JCAD: variants seen among roughly 807,000 people sequenced by gnomAD.
The protein encoded by JCAD is junctional cadherin 5-associated protein.
In JCAD, 40 loss-of-function variants were observed where a neutral mutation model predicts 98.0. That is an observed-to-expected ratio of 0.41 (90% CI 0.32 to 0.53). The LOEUF is 0.53. JCAD is among the 20% of genes least tolerant of loss of function. JCAD has a pLI of 0.31. For synonymous variants in JCAD, 691 were observed against 682.3 expected (o/e 1.01, Z -0.20); for missense variants, 1,705 against 1,738.1 (o/e 0.98, Z 0.34).
chr10:30,098,579 C>A (rs957879276), intron 1 of JCAD, among the ~76,000 whole-genome samples: 7 of 152,178 alleles, frequency 4.6e-5, no homozygotes, highest in African/African-American at 1.7e-4. Context: ...TTTGTGTCCT[C>A]AGTTCCTGGA....
chr10:30,032,274 C>T (rs1455096757), intron 2 of JCAD, among the ~76,000 whole-genome samples: 1 of 152,154 alleles, frequency 6.6e-6, no homozygotes, highest in African/African-American at 2.4e-5. Flanking sequence ...TACCAAAGCT[C>T]AGGGCCCATC....
At chr10:30,044,478 G>C (rs768384139) in intron 2 of JCAD, among the ~76,000 whole-genome samples, 16 of 152,024 alleles carry the variant, frequency 1.1e-4, no homozygotes, top group Non-Finnish European at 2.1e-4. Flanking sequence ...TCCCAATCAC[G>C]CTGATGGCTT....
chr10:30,088,123 G>C (rs1294153627), intron 1 of JCAD, among the ~76,000 whole-genome samples: 1 of 152,244 alleles, frequency 6.6e-6, no homozygotes, highest in Admixed American at 6.5e-5. Context: ...ACAGGCGTGA[G>C]CCACCATGCC....
intron 1 of JCAD, among the ~76,000 whole-genome samples, chr10:30,101,663 C>A (rs974390681): frequency 6.6e-6 from 1 of 152,040 alleles, no homozygotes; most frequent in Non-Finnish European, 1.5e-5. Flanking sequence ...CCACCACGCC[C>A]GGCTCAGGCT....
rs1438057630 is a variant in JCAD, at chr10:30,027,371, C to T, written c.2777G>A (p.Arg926His). The change falls in exon 3 of 4, where the codon CGT becomes CAT. Residue 926 changes from arginine (R) to histidine (H), a missense_variant. By Grantham distance (29) the Arg-to-His change is conservative. This residue lies in a region of JCAD where 1,278 missense variants were observed against 1,243.1 expected (regional missense o/e 1.03). Transcript: ENST00000375377. ...WSEELQPGHP[R>H]AWPPSPGRFR... ...GCGGCCCGGGGATGGAGGCCAGGCA[C>T]GTGGGTGGCCAGGCTGCAGCTCCTC... The T allele has an allele frequency of 3.7e-6, 6 of 1,609,398 alleles. No homozygotes were observed. Among genetic ancestry groups the T allele is most frequent in the South Asian group, 1.1e-5 (1 of 91,094 alleles).
upstream of JCAD, among the ~76,000 whole-genome samples, chr10:30,062,771 C>T (rs767862527): frequency 1.3e-5 from 2 of 152,106 alleles, no homozygotes; most frequent in Non-Finnish European, 2.9e-5. Context: ...ATCACAAGAA[C>T]GGCATGGGAA....
upstream of JCAD, among the ~76,000 whole-genome samples, chr10:30,062,164 T>C (rs1837711189): frequency 6.6e-6 from 1 of 152,152 alleles, no homozygotes; most frequent in African/African-American, 2.4e-5. Flanking sequence ...TAATAAGAAA[T>C]TGTATTTTAG....
At chr10:30,092,066 T>A (rs967812561) in intron 1 of JCAD, among the ~76,000 whole-genome samples, 19 of 17,262 alleles carry the variant, frequency 1.1e-3, no homozygotes, top group Non-Finnish European at 1.3e-3. Context: ...AAAAAAAAAA[T>A]ATATATATAT....
At chr10:30,092,370 T>C (rs1838298961) in intron 1 of JCAD, among the ~76,000 whole-genome samples, 1 of 151,728 alleles carries the variant, frequency 6.6e-6, no homozygotes, top group Admixed American at 6.6e-5. Context: ...CTCCAGCTCC[T>C]CCTGGCTTAT....
At chr10:30,112,394 G>A (rs771089198) in intron 1 of JCAD, among the ~76,000 whole-genome samples, 2 of 152,118 alleles carry the variant, frequency 1.3e-5, no homozygotes, top group Admixed American at 6.5e-5. Flanking sequence ...CAGGAAGATC[G>A]ATTGAGCCTA....
In JCAD at chr10:30,017,653, T is replaced by A. The variant is rs1181399067; in HGVS notation, c.*230A>T. 1 of 596,478 alleles carries A rather than the reference T, an allele frequency of 1.7e-6. No homozygotes were observed. The highest frequency in any genetic ancestry group is 2.9e-6 in the Non-Finnish European group (1 of 340,890). The allele number at this position is 596,478 out of a possible 1,614,324, so 36.9% of individuals were successfully genotyped here. ...CTCCTTCCTAATTATAGGCATTAAA[T>A]CTTCATGCTATAAAAACAGATGGTT... On this transcript the variant is annotated 3_prime_UTR_variant, in exon 4 of 4. Transcript: ENST00000375377.
intron 1 of JCAD, among the ~76,000 whole-genome samples, chr10:30,087,234 G>A (rs1426801691): frequency 6.6e-6 from 1 of 152,140 alleles, no homozygotes; most frequent in African/African-American, 2.4e-5. Flanking sequence ...CCTAAGGTCA[G>A]CTCAAGACTA....
intron 1 of JCAD, among the ~76,000 whole-genome samples, chr10:30,086,874 T>C (rs540171410): frequency 8.3e-4 from 127 of 152,330 alleles, no homozygotes; most frequent in African/African-American, 3.0e-3. Context: ...TTTTTAAAAG[T>C]GAAGAGCAGA....
intron 1 of JCAD, among the ~76,000 whole-genome samples, chr10:30,100,326 GATTT>G (rs1430799959): frequency 6.6e-6 from 1 of 152,100 alleles, no homozygotes; most frequent in Non-Finnish European, 1.5e-5. Context: ...TATTTGAAGA[GATTT>G]ATTTATTCTG....
chr10:30,026,420 A>G lies in JCAD; in HGVS notation c.3728T>C (p.Leu1243Ser). The G allele has an allele frequency of 1.9e-6, 3 of 1,614,216 alleles. No homozygotes were observed. The highest frequency in any genetic ancestry group is 2.5e-6 in the Non-Finnish European group (3 of 1,180,042). The change falls in exon 3 of 4, where the codon TTA (leucine) becomes TCA (serine). Residue 1243 changes from leucine to serine, a missense_variant. Leu to Ser is a moderately radical substitution (Grantham distance 145, BLOSUM62 -2). Transcript: ENST00000375377. Reference sequence around the variant, plus strand: ...AGGCGGGGAGGCCAGTTTCTCTTGTAAACTTTCAATCACTTTGGAAGGGCT... The same window carrying G: ...AGGCGGGGAGGCCAGTTTCTCTTGTGAACTTTCAATCACTTTGGAAGGGCT... ...LRSPSKVIES[L>S]QEKLASPPRR...
In JCAD at chr10:30,027,642, C is replaced by G. The variant is rs1459114156; in HGVS notation, c.2506G>C (p.Glu836Gln). The G allele has an allele frequency of 5.0e-6, 8 of 1,614,138 alleles. No homozygotes were observed. The highest frequency in any genetic ancestry group is 4.2e-6 in the Non-Finnish European group (5 of 1,180,062). ...RRPWDLISQL[E>Q]SFNKELQEEE... ...TCCTGGAGCTCCTTGTTAAAACTTT[C>G]TAACTGACTGATCAAATCCCAGGGA... Residue 836 changes from glutamate to glutamine, a missense_variant, in exon 3 of 4, where the codon GAA becomes CAA. Glu to Gln is a conservative substitution (Grantham distance 29). Around this residue, in one of 3 missense-constraint regions of JCAD, gnomAD observed 1,278 missense variants for 1,243.1 expected, o/e 1.03. Transcript: ENST00000375377.
chr10:30,085,638 C>G (rs868400120), intron 1 of JCAD, among the ~76,000 whole-genome samples: 1 of 152,110 alleles, frequency 6.6e-6, no homozygotes, highest in Non-Finnish European at 1.5e-5. Flanking sequence ...TCAAGACCAA[C>G]GACATATGTT....
chr10:30,112,951 C>T (rs567191135), intron 1 of JCAD, among the ~76,000 whole-genome samples: 8 of 150,246 alleles, frequency 5.3e-5, no homozygotes, highest in Non-Finnish European at 7.4e-5. Context: ...GATAATGGGG[C>T]GTGACTGCTT....
intron 1 of JCAD, among the ~76,000 whole-genome samples, chr10:30,111,399 G>C (rs942244269): frequency 6.6e-6 from 1 of 152,270 alleles, no homozygotes; most frequent in East Asian, 1.9e-4. Context: ...AGATTGGAGA[G>C]ACCTTAGGCC....
Sources: allele counts gnomAD v4.1 joint callset (sites outside exome capture counted in the v4.1 genomes callset), GRCh38; gene constraint gnomAD v4.1.1; regional missense constraint gnomAD v4.1.1; transcripts MANE v1.5; gene names NCBI Gene and HGNC (gene_info 2026-07-23, HGNC 2026-07-21).